MRC2: variants seen among roughly 807,000 people sequenced by gnomAD.
MRC2 encodes mannose receptor C-type 2.
A neutral mutation model predicts 206.2 loss-of-function variants in MRC2; 84 were observed. The observed-to-expected ratio is 0.41, with a 90% confidence interval of 0.34 to 0.49. The LOEUF (loss-of-function observed/expected upper bound fraction) is 0.49. Among genes scored for constraint, MRC2 ranks in the 20% least tolerant of loss-of-function variants. The pLI, the probability that MRC2 is intolerant of heterozygous loss-of-function variation, is 0.31. For synonymous variants in MRC2, 798 were observed against 800.0 expected (o/e 1.00, Z 0.04); for missense variants, 1,676 against 2,001.5 (o/e 0.84, Z 3.10).
chr17:62,635,664 A>G (rs1279225704), intron 1 of MRC2, among the ~76,000 whole-genome samples: 1 of 152,156 alleles, frequency 6.6e-6, no homozygotes, highest in Non-Finnish European at 1.5e-5. Context: ...AATTGTAAGA[A>G]TGGGCCAGGC....
intron 28 of MRC2, among the ~76,000 whole-genome samples, 195 bp from the exon 29 acceptor site, chr17:62,691,917 C>T (rs2147496947): frequency 6.6e-6 from 1 of 152,212 alleles, no homozygotes; most frequent in East Asian, 1.9e-4. Flanking sequence ...TGGCGTTTTC[C>T]CTTTCTGGGG....
At chr17:62,663,642 G>A (rs935358294) in intron 1 of MRC2, among the ~76,000 whole-genome samples, 15 of 152,140 alleles carry the variant, frequency 9.9e-5, no homozygotes, top group African/African-American at 3.6e-4. Flanking sequence ...GAGGAGATAG[G>A]TGGAAAGAGG....
chr17:62,629,363 A>T (rs767167473), intron 1 of MRC2, among the ~76,000 whole-genome samples: 2 of 152,106 alleles, frequency 1.3e-5, no homozygotes, highest in Non-Finnish European at 2.9e-5. Flanking sequence ...CTTTTCATAG[A>T]GGGGGCTGGA....
intron 1 of MRC2, among the ~76,000 whole-genome samples, chr17:62,654,970 T>C (rs9898747): frequency 0.012 from 1,882 of 152,240 alleles, 31 homozygotes; most frequent in African/African-American, 0.042. Flanking sequence ...AAAGCAAGAC[T>C]CCGTCTCTAC....
chr17:62,658,443 C>G (rs992743445), intron 1 of MRC2, among the ~76,000 whole-genome samples: 1 of 152,136 alleles, frequency 6.6e-6, no homozygotes, highest in Non-Finnish European at 1.5e-5. Flanking sequence ...GAAACTGAGG[C>G]CTGAAAGGTA....
At chr17:62,657,576 G>A (rs1017278662) in intron 1 of MRC2, among the ~76,000 whole-genome samples, 1 of 151,798 alleles carries the variant, frequency 6.6e-6, no homozygotes, top group Non-Finnish European at 1.5e-5. Context: ...CACCTTCTGT[G>A]GGGGGCACTT....
At chr17:62,630,764 C>T (rs2084209574) in intron 1 of MRC2, among the ~76,000 whole-genome samples, 1 of 152,084 alleles carries the variant, frequency 6.6e-6, no homozygotes, top group Non-Finnish European at 1.5e-5. Flanking sequence ...GTCGGTGCTG[C>T]CTAAAGGACA....
intron 1 of MRC2, among the ~76,000 whole-genome samples, chr17:62,658,545 C>T (rs1039331148): frequency 6.6e-6 from 1 of 152,210 alleles, no homozygotes; most frequent in African/African-American, 2.4e-5. Flanking sequence ...GGAAAAGCCC[C>T]TCCCGACTAA....
intron 14 of MRC2, 41 bp downstream of exon 14, chr17:62,679,943 C>A: frequency 7.5e-7 from 1 of 1,329,480 alleles, no homozygotes. Context: ...AGGCCGGGAG[C>A]TTGGTGGGCG....
At chr17:62,687,078 G>T (rs1027706151) in intron 20 of MRC2, among the ~76,000 whole-genome samples, 1 of 152,182 alleles carries the variant, frequency 6.6e-6, no homozygotes, top group African/African-American at 2.4e-5. Context: ...GAGGCCATAA[G>T]GTTGTCAGAG....
chr17:62,652,287 C>T lies in MRC2; in HGVS notation c.119-12261C>T, dbSNP rs1190372718. ...CCATGATTTTAAGAAAGGGCAGGCGCACAACACCCCCGCACGGAGAAATGA... is the reference window on the plus strand; with the variant it reads ...CCATGATTTTAAGAAAGGGCAGGCGTACAACACCCCCGCACGGAGAAATGA... On this transcript the variant is annotated intron_variant, in intron 1 of 29. Coordinates refer to ENST00000303375, the MANE Select transcript of MRC2 (RefSeq NM_006039.5). This position sits in a 1 kb window ranked among gnomAD's most constrained non-coding sequence, Gnocchi z 4.6. 6.6e-6 allele frequency among the ~76,000 whole-genome samples: 1 copy of T among 152,254 alleles called. No homozygotes were observed. Among genetic ancestry groups the T allele is most frequent in the African/African-American group, 2.4e-5 (1 of 41,476 alleles).
intron 1 of MRC2, among the ~76,000 whole-genome samples, chr17:62,649,826 G>A (rs1441593075): frequency 6.6e-6 from 1 of 151,162 alleles, no homozygotes; most frequent in South Asian, 2.1e-4. Context: ...CCGCCCCACC[G>A]ATACATACAT....
chr17:62,665,834 G>A (rs1298849567), intron 2 of MRC2, among the ~76,000 whole-genome samples: 6 of 152,202 alleles, frequency 3.9e-5, no homozygotes, highest in African/African-American at 1.4e-4. Context: ...CCCAGCTGGA[G>A]TTTGGATGGG....
Position 62,688,372 on chromosome 17 carries a change from G to A in MRC2, c.3030G>A (p.Gln1010=). 2 of 1,614,220 alleles carry A rather than the reference G, an allele frequency of 1.2e-6. No individual in the cohort carries two copies. Among genetic ancestry groups the A allele is most frequent in the Non-Finnish European group, 1.7e-6 (2 of 1,180,038 alleles). The stretch of plus-strand genomic sequence containing the variant: ...TCTCCTGTGAACAGCAAGAGGCCCA[G>A]CTGGTCACCATCACAAACCCCTTAG... The part of the protein sequence containing the change: ...AQFSCEQQEA[Q]LVTITNPLEQ... Residue 1010 remains glutamine (Q), a synonymous_variant, in exon 21 of 30, where the codon CAG becomes CAA. Transcript: ENST00000303375.
At position 62,671,798 on chromosome 17, in the gene MRC2, A is replaced by T. The variant is rs1484059295; in HGVS notation, c.1267A>T (p.Met423Leu). 2.5e-6 allele frequency: 4 copies of T among 1,608,672 alleles called. No homozygotes were observed. The African/African-American group carries it at 5.3e-5, about 21-fold the overall frequency. ...TGGCGACCTGGTCAGCATCCACAGCATGGCGGAGCTGGAATTCATCACCAA... is the reference window on the plus strand; with the variant it reads ...TGGCGACCTGGTCAGCATCCACAGCTTGGCGGAGCTGGAATTCATCACCAA... Reference protein sequence around the residue: ...GGGDLVSIHSMAELEFITKQI... With the variant: ...GGGDLVSIHSLAELEFITKQI... The change falls in exon 7 of 30, where the codon ATG becomes TTG. Residue 423 changes from methionine (M) to leucine (L), a missense_variant. By Grantham distance (15) the Met-to-Leu change is conservative. This residue lies in a region of MRC2 where 1,354 missense variants were observed against 1,636.6 expected (regional missense o/e 0.83). Coordinates refer to ENST00000303375, the MANE Select transcript of MRC2 (RefSeq NM_006039.5). The surrounding 1 kb of genome is among the most constrained non-coding windows in gnomAD (Gnocchi z 4.5).
intron 1 of MRC2, among the ~76,000 whole-genome samples, chr17:62,628,789 TGAAAG>T (rs750680732): frequency 6.0e-4 from 90 of 150,226 alleles, no homozygotes; most frequent in African/African-American, 1.9e-3. Flanking sequence ...ATCTAAGAGT[TGAAAG>T]GAAAGATCCA....
chr17:62,656,829 A>C (rs2088624908), intron 1 of MRC2, among the ~76,000 whole-genome samples: 1 of 152,210 alleles, frequency 6.6e-6, no homozygotes, highest in Admixed American at 6.5e-5. Flanking sequence ...AGCCTCAGGG[A>C]TTCAGGGACA....
intron 1 of MRC2, among the ~76,000 whole-genome samples, chr17:62,653,767 G>A (rs1024138540): frequency 6.6e-6 from 1 of 152,110 alleles, no homozygotes; most frequent in Non-Finnish European, 1.5e-5. Flanking sequence ...TGTGAAAAGG[G>A]GAAGGTGGCC....
Position 62,664,606 on chromosome 17 carries a change from C to A in MRC2, c.177C>A (p.Gly59=). Residue 59 remains glycine (G), a synonymous_variant, in exon 2 of 30, where the codon GGC becomes GGA. Transcript: ENST00000303375. This position sits in a 1 kb window ranked among gnomAD's most constrained non-coding sequence, Gnocchi z 4.7. ...HGLQGCLEAQ[G]GQVRVTPACN... ...TGCAGGGCTGCCTGGAGGCCCAGGG[C>A]GGGCAGGTCAGAGTCACCCCGGCTT... is the stretch of plus-strand genomic sequence containing the variant. The A allele has an allele frequency of 1.9e-6, 3 of 1,613,454 alleles. No homozygotes were observed. The highest frequency in any genetic ancestry group is 2.5e-6 in the Non-Finnish European group (3 of 1,179,996).
Sources: gnomAD v4.1 joint callset for allele counts (sites outside exome capture counted in the v4.1 genomes callset) on GRCh38, gnomAD v4.1.1 for gene constraint, gnomAD v4.1.1 regional missense constraint, Gnocchi (gnomAD v3.1) non-coding constraint, MANE v1.5 for transcripts, NCBI Gene and HGNC (gene_info 2026-07-23, HGNC 2026-07-21) for gene names.